Variants in CCDC148 observed in about 807,000 individuals in gnomAD.
The protein encoded by CCDC148 is coiled-coil domain-containing protein 148.
A neutral mutation model predicts 85.7 loss-of-function variants in CCDC148; 89 were observed. That is an observed-to-expected ratio of 1.04 (90% CI 0.87 to 1.24). The LOEUF is 1.24. Ranked by LOEUF, CCDC148 falls within the 50% of genes most tolerant of loss-of-function variation. The probability of loss-of-function intolerance (pLI) is 0.00; values close to 1 mark genes in which losing one functional copy is unlikely to be tolerated. For synonymous variants in CCDC148, 230 were observed against 213.9 expected (o/e 1.08, Z -0.66); for missense variants, 692 against 671.7 (o/e 1.03, Z -0.33).
intron 1 of CCDC148, among the ~76,000 whole-genome samples, chr2:158,448,352 T>A (rs1212637950): frequency 6.6e-6 from 1 of 152,014 alleles, no homozygotes; most frequent in Non-Finnish European, 1.5e-5. Context: ...TTTATTTTTT[T>A]TTTATTTATT....
In CCDC148 at chr2:158,456,511, C is replaced by A; in HGVS notation, c.-72G>T. On this transcript the variant is annotated 5_prime_UTR_variant, in exon 1 of 14. Transcript: ENST00000283233. ...AAAGTGAAACGCCCACTCCTGGGCT[C>A]TCGCCGTCAGGGGTACATCTAAGGG... 1 of 1,563,742 alleles carries A rather than the reference C, an allele frequency of 6.4e-7. No homozygotes were observed. The highest frequency in any genetic ancestry group is 8.7e-7 in the Non-Finnish European group (1 of 1,153,690).
chr2:158,315,893 C>G (rs950934925), intron 7 of CCDC148, among the ~76,000 whole-genome samples: 5 of 152,146 alleles, frequency 3.3e-5, no homozygotes, highest in African/African-American at 1.2e-4. Context: ...TCTATGATAC[C>G]TTTGCACTCT....
chr2:158,333,360 G>C (rs550016397), intron 7 of CCDC148, among the ~76,000 whole-genome samples: 24 of 152,168 alleles, frequency 1.6e-4, no homozygotes, highest in Non-Finnish European at 1.9e-4. Flanking sequence ...GTTCTAATTT[G>C]ATTGCACTGT....
intron 10 of CCDC148, among the ~76,000 whole-genome samples, chr2:158,246,981 G>A (rs1688594691): frequency 6.6e-6 from 1 of 152,170 alleles, no homozygotes; most frequent in South Asian, 2.1e-4. Context: ...AGTTCATGAA[G>A]AGAAGCATAA....
chr2:158,414,302 C>T (rs1574777904), intron 1 of CCDC148, among the ~76,000 whole-genome samples: 1 of 152,194 alleles, frequency 6.6e-6, no homozygotes, highest in Non-Finnish European at 1.5e-5. Flanking sequence ...AGAAACACTA[C>T]TGTTTTACTA....
chr2:158,369,731 G>A (rs1235370802), intron 1 of CCDC148, among the ~76,000 whole-genome samples: 1 of 152,060 alleles, frequency 6.6e-6, no homozygotes, highest in East Asian at 1.9e-4. Flanking sequence ...GTGGGAGAGG[G>A]CATCCTTGTC....
intron 1 of CCDC148, among the ~76,000 whole-genome samples, chr2:158,432,179 CAT>C (rs1167319727): frequency 1.3e-5 from 2 of 148,780 alleles, no homozygotes; most frequent in East Asian, 4.0e-4. Flanking sequence ...TAGAATAAAA[CAT>C]AATCAAAAGG....
intron 11 of CCDC148, among the ~76,000 whole-genome samples, chr2:158,210,787 CAAAAA>C (rs34273946): frequency 1.9e-4 from 17 of 89,454 alleles, no homozygotes; most frequent in East Asian, 9.0e-4. Flanking sequence ...ACTAAAAATA[CAAAAA>C]AAAAAAAAAA....
chr2:158,349,960 T>C (rs1002738885), intron 2 of CCDC148, among the ~76,000 whole-genome samples: 9 of 145,258 alleles, frequency 6.2e-5, no homozygotes, highest in African/African-American at 2.0e-4. Context: ...CTGTGAACCA[T>C]TTTCATTAAA....
chr2:158,323,538 A>G (rs10191296), intron 7 of CCDC148, among the ~76,000 whole-genome samples: 25,620 of 152,128 alleles, frequency 0.17, 3,484 homozygotes, highest in African/African-American at 0.38. Context: ...ACCAGCTGAT[A>G]CTGGTACTCA....
chr2:158,189,912 CAT>C, intron 11 of CCDC148, among the ~76,000 whole-genome samples: 1 of 151,920 alleles, frequency 6.6e-6, no homozygotes, highest in African/African-American at 2.4e-5. Flanking sequence ...ATGAAAGAAA[CAT>C]AGAATAAATG....
chr2:158,254,247 C>T (rs917883450), intron 9 of CCDC148, among the ~76,000 whole-genome samples: 1 of 151,560 alleles, frequency 6.6e-6, no homozygotes, highest in South Asian at 2.1e-4. Flanking sequence ...TAAGTTGATG[C>T]TATTGGTTAG....
At chr2:158,314,038 T>C (rs1430835877) in intron 7 of CCDC148, 144 bp from the exon 8 acceptor site, 1 of 705,320 alleles carries the variant, frequency 1.4e-6, no homozygotes, top group African/African-American at 1.9e-5. Flanking sequence ...AAATTTAATG[T>C]CTGTTTCAGA....
intron 7 of CCDC148, among the ~76,000 whole-genome samples, chr2:158,337,911 G>A (rs186264565): frequency 9.2e-5 from 14 of 152,150 alleles, no homozygotes; most frequent in African/African-American, 2.4e-4. Flanking sequence ...TGTCATATTC[G>A]TCTTCTTCCA....
intron 7 of CCDC148, among the ~76,000 whole-genome samples, chr2:158,327,034 T>A (rs1408278995): frequency 6.6e-6 from 1 of 152,338 alleles, no homozygotes; most frequent in East Asian, 1.9e-4. Context: ...ATTCTGTGTA[T>A]GTACAATAAT....
At chr2:158,338,177 C>T (rs1402805069) in intron 7 of CCDC148, among the ~76,000 whole-genome samples, 1 of 152,032 alleles carries the variant, frequency 6.6e-6, no homozygotes, top group Non-Finnish European at 1.5e-5. Flanking sequence ...ATGACCGCTG[C>T]CAAACTGAAT....
At chr2:158,420,737 A>C (rs966602347) in intron 1 of CCDC148, among the ~76,000 whole-genome samples, 1 of 152,198 alleles carries the variant, frequency 6.6e-6, no homozygotes, top group African/African-American at 2.4e-5. Flanking sequence ...GCACATAACA[A>C]TATTAACCCT....
chr2:158,394,679 C>T (rs1306081633), intron 1 of CCDC148, among the ~76,000 whole-genome samples: 1 of 151,896 alleles, frequency 6.6e-6, no homozygotes, highest in Non-Finnish European at 1.5e-5. Flanking sequence ...AAGGAAAGAC[C>T]AACTAAAACT....
chr2:158,229,966 C>G (rs1395368886), intron 10 of CCDC148, among the ~76,000 whole-genome samples: 1 of 152,164 alleles, frequency 6.6e-6, no homozygotes, highest in African/African-American at 2.4e-5. Context: ...CTATGGTATT[C>G]CTACCTCTGT....
Sources: gnomAD v4.1 joint callset for allele counts (sites outside exome capture counted in the v4.1 genomes callset) on GRCh38, gnomAD v4.1.1 for gene constraint, MANE v1.5 for transcripts, NCBI Gene and HGNC (gene_info 2026-07-23, HGNC 2026-07-21) for gene names.